SMOC2: variants seen among roughly 807,000 people sequenced by gnomAD.
SMOC2 encodes SPARC related modular calcium binding 2.
In SMOC2, 39 loss-of-function variants were observed where a neutral mutation model predicts 61.4. That is an observed-to-expected ratio of 0.64 (90% CI 0.49 to 0.83). The LOEUF (loss-of-function observed/expected upper bound fraction) is 0.83, where lower values mean the gene tolerates loss of function less well. SMOC2 is among the 40% of genes least tolerant of loss of function. The probability of loss-of-function intolerance (pLI) is 0.00; values close to 1 mark genes in which losing one functional copy is unlikely to be tolerated. For synonymous variants in SMOC2, 247 were observed against 239.9 expected, an observed-to-expected ratio of 1.03 and a Z score of -0.27; for missense variants, 556 against 592.9, an observed-to-expected ratio of 0.94 and a Z score of 0.65.
intron 1 of SMOC2, among the ~76,000 whole-genome samples, chr6:168,479,584 T>G (rs1290346748): frequency 1.3e-5 from 2 of 152,218 alleles, no homozygotes; most frequent in Non-Finnish European, 2.9e-5. Context: ...TGGGTTAATT[T>G]TGGCTCTAGC....
chr6:168,459,384 G>C (rs1781663983), intron 1 of SMOC2, among the ~76,000 whole-genome samples: 1 of 152,208 alleles, frequency 6.6e-6, no homozygotes, highest in Non-Finnish European at 1.5e-5. Context: ...AAGCTGGAAA[G>C]GGGGCGTTTG....
intron 4 of SMOC2, among the ~76,000 whole-genome samples, chr6:168,537,556 T>C (rs1391253780): frequency 1.3e-5 from 2 of 152,238 alleles, no homozygotes; most frequent in African/African-American, 4.8e-5. Context: ...GCAGCGTCTA[T>C]CCTAATACAG....
intron 7 of SMOC2, among the ~76,000 whole-genome samples, chr6:168,569,291 T>C (rs1362148285): frequency 6.6e-6 from 1 of 152,264 alleles, no homozygotes; most frequent in Non-Finnish European, 1.5e-5. Context: ...GGGTATTGAA[T>C]GACTTTCATA....
chr6:168,622,034 C>T (rs553772538), intron 9 of SMOC2, among the ~76,000 whole-genome samples: 21 of 151,872 alleles, frequency 1.4e-4, no homozygotes, highest in Admixed American at 2.6e-4. Context: ...GGCATGATCT[C>T]GGCTCACTGC....
intron 1 of SMOC2, among the ~76,000 whole-genome samples, chr6:168,463,985 GT>G (rs1312702319): frequency 3.9e-5 from 6 of 152,204 alleles, no homozygotes; most frequent in African/African-American, 1.4e-4. Flanking sequence ...AAGCCCAGGA[GT>G]TCTAAACCAG....
At chr6:168,632,309 A>G (rs888337954) in intron 9 of SMOC2, among the ~76,000 whole-genome samples, 1 of 152,226 alleles carries the variant, frequency 6.6e-6, no homozygotes, top group Non-Finnish European at 1.5e-5. Flanking sequence ...AGAACAAGTC[A>G]TCAGAACATA....
intron 9 of SMOC2, among the ~76,000 whole-genome samples, chr6:168,632,914 G>C (rs2115249386): frequency 6.6e-6 from 1 of 152,260 alleles, no homozygotes; most frequent in African/African-American, 2.4e-5. Flanking sequence ...GAAGCCTTTT[G>C]GGTCCCACCC....
rs537577683 is a variant in SMOC2 at position 168,444,510 on chromosome 6, C to G, written c.84+3056C>G. ...GCACCATGAGGCCCTCTGTGTCTCT[C>G]ATTGTGACTTTCTGATGGCTTTGCA... On this transcript the variant is annotated intron_variant, in intron 1 of 12. Coordinates refer to ENST00000356284, the MANE Select transcript of SMOC2 (RefSeq NM_001166412.2). Among the ~76,000 whole-genome samples, 17 of 152,304 alleles carry G rather than the reference C, an allele frequency of 1.1e-4. No individual in the cohort carries two copies. The Middle Eastern group carries it at 0.014, about 122-fold the overall frequency.
At chr6:168,647,476 G>C (rs1262394837) in intron 9 of SMOC2, among the ~76,000 whole-genome samples, 1 of 152,200 alleles carries the variant, frequency 6.6e-6, no homozygotes, top group Non-Finnish European at 1.5e-5. Flanking sequence ...GTTGGCAGGG[G>C]GCCAGCGCCC....
intron 1 of SMOC2, among the ~76,000 whole-genome samples, chr6:168,505,068 A>G (rs74682135): frequency 0.013 from 1,949 of 147,020 alleles, 202 homozygotes; most frequent in East Asian, 0.1. Context: ...TGAAATGTCC[A>G]TCTCTCAGAT....
At chr6:168,604,050 T>G (rs924632953) in intron 8 of SMOC2, among the ~76,000 whole-genome samples, 2 of 152,266 alleles carry the variant, frequency 1.3e-5, no homozygotes, top group Non-Finnish European at 2.9e-5. Context: ...CCATTGAGGC[T>G]GTCATCTGGC....
At chr6:168,568,210 C>A (rs566184571) in intron 7 of SMOC2, among the ~76,000 whole-genome samples, 1 of 150,438 alleles carries the variant, frequency 6.6e-6, no homozygotes, top group East Asian at 2.0e-4. Flanking sequence ...AGGCGAAGAC[C>A]GGATGGTGTG....
Position 168,527,717 on chromosome 6 carries a change from C to G in SMOC2, c.453C>G (p.Pro151=), listed in dbSNP as rs1331436208. The change falls in exon 4 of 13, where the codon CCC becomes CCG. Residue 151 remains proline, a synonymous_variant. Transcript: ENST00000356284. Reference sequence around the variant, plus strand: ...GCACTGCCGTGGCCCACAAGACGCCCCGGTGCCCGGGTAGGTCTGACGTGC... The same window carrying G: ...GCACTGCCGTGGCCCACAAGACGCCGCGGTGCCCGGGTAGGTCTGACGTGC... ...ISGTAVAHKT[P]RCPGSVNEKL... 1 of 1,550,702 alleles carries G rather than the reference C, an allele frequency of 6.4e-7. No homozygotes were observed. Among genetic ancestry groups the G allele is most frequent in the African/African-American group, 1.4e-5 (1 of 73,108 alleles).
rs557597697 is a variant in SMOC2 at position 168,547,633 on chromosome 6, C to T, written c.562+464C>T. On this transcript the variant is annotated intron_variant, in intron 6 of 12. Transcript: ENST00000356284. Reference sequence around the variant, plus strand: ...AGTAAACATTTCCTAGCCACACGCCCCTGAAGTAACTGTGAGATGCTGGGG... The same window carrying T: ...AGTAAACATTTCCTAGCCACACGCCTCTGAAGTAACTGTGAGATGCTGGGG... Among the ~76,000 whole-genome samples the T allele has an allele frequency of 7.9e-5, 12 of 152,106 alleles. No individual in the cohort carries two copies. In the East Asian group the frequency reaches 1.5e-3, roughly 20 times the overall value.
chr6:168,461,641 G>A (rs572690579), intron 1 of SMOC2, among the ~76,000 whole-genome samples: 1 of 152,276 alleles, frequency 6.6e-6, no homozygotes, highest in Admixed American at 6.5e-5. Context: ...CATTTCGGAT[G>A]TTAATTAAAA....
intron 2 of SMOC2, among the ~76,000 whole-genome samples, chr6:168,523,959 A>G (rs1236559756): frequency 6.6e-6 from 1 of 152,208 alleles, no homozygotes; most frequent in Non-Finnish European, 1.5e-5. Context: ...AAAAAGTTGG[A>G]AAGTTGGAAA....
intron 1 of SMOC2, among the ~76,000 whole-genome samples, chr6:168,474,270 A>G (rs187823098): frequency 1.3e-5 from 2 of 152,208 alleles, no homozygotes; most frequent in African/African-American, 4.8e-5. Flanking sequence ...GCACCTGTGC[A>G]TAAGGGGGAG....
At chr6:168,520,523 C>T (rs927638327) in intron 2 of SMOC2, among the ~76,000 whole-genome samples, 1 of 152,210 alleles carries the variant, frequency 6.6e-6, no homozygotes, top group African/African-American at 2.4e-5. Flanking sequence ...GTTTACATGG[C>T]CGTGGCCATA....
intron 7 of SMOC2, among the ~76,000 whole-genome samples, chr6:168,563,000 G>A (rs1201733958): frequency 1.3e-5 from 2 of 152,224 alleles, no homozygotes; most frequent in African/African-American, 4.8e-5. Flanking sequence ...TCCCCGGAAC[G>A]GGGGCTGGGA....
Sources: gnomAD v4.1 joint callset for allele counts (sites outside exome capture counted in the v4.1 genomes callset) on GRCh38, gnomAD v4.1.1 for gene constraint, MANE v1.5 for transcripts, NCBI Gene and HGNC (gene_info 2026-07-23, HGNC 2026-07-21) for gene names.